ECPAS: variants seen among roughly 807,000 people sequenced by gnomAD.
ECPAS encodes Ecm29 proteasome adaptor and scaffold.
A neutral mutation model predicts 255.1 loss-of-function variants in ECPAS; 70 were observed. That is an observed-to-expected ratio of 0.27 (90% CI 0.23 to 0.33). The LOEUF (loss-of-function observed/expected upper bound fraction) is 0.33. Ranked by LOEUF, ECPAS falls within the 10% of genes least tolerant of loss-of-function variation. The pLI is 1.00. For missense variants in ECPAS, 1,817 were observed against 2,206.4 expected (o/e 0.82, Z 3.54); for synonymous variants, 784 against 775.0 (o/e 1.01, Z -0.19).
At chr9:111,421,770 T>C in intron 15 of ECPAS, 151 bp downstream of exon 15, 1 of 964,542 alleles carries the variant, frequency 1.0e-6, no homozygotes. Flanking sequence ...TAAAGTCAAA[T>C]TTTCATCATG....
chr9:111,441,721 C>G (rs975768346), intron 5 of ECPAS, among the ~76,000 whole-genome samples: 1 of 152,132 alleles, frequency 6.6e-6, no homozygotes, highest in African/African-American at 2.4e-5. Context: ...TAAACTTCTT[C>G]TGTATTACAG....
chr9:111,370,640 T>C lies in ECPAS; in HGVS notation c.4782-13A>G. On this transcript the variant is annotated splice_polypyrimidine_tract_variant and intron_variant, in intron 44 of 49. Coordinates refer to ENST00000684092, the MANE Select transcript of ECPAS (RefSeq NM_001364929.1). The stretch of plus-strand genomic sequence containing the variant: ...TTCCAGCTCTGCACTACAGGGTCCA[T>C]ACAAAAGCATCAGAAGTTAATAAAG... The C allele has an allele frequency of 2.5e-6, 4 of 1,608,930 alleles. No individual in the cohort carries two copies. Among genetic ancestry groups the C allele is most frequent in the South Asian group, 2.2e-5 (2 of 90,124 alleles).
At position 111,440,535 on chromosome 9, in the gene ECPAS, TACATTTATTGCAACTACTTAAAA is replaced by T; in HGVS notation, c.390-37_390-15del. 1 of 1,555,146 alleles carries T rather than the reference TACATTTATTGCAACTACTTAAAA, an allele frequency of 6.4e-7. No individual in the cohort carries two copies. On this transcript the variant is annotated splice_polypyrimidine_tract_variant and intron_variant, in intron 5 of 49. Transcript: ENST00000684092. ...AGATGCATTAAGCTGAAAAAACAAT[TACATTTATTGCAACTACTTAAAA>T]AATGAGATTTTTATACATGCAAAAC...
intron 2 of ECPAS, among the ~76,000 whole-genome samples, chr9:111,452,449 G>T (rs1238262938): frequency 6.6e-6 from 1 of 152,052 alleles, no homozygotes; most frequent in Admixed American, 6.6e-5. Flanking sequence ...ATATTTAAAG[G>T]AATCTTTTTT....
chr9:111,411,273 C>T (rs1263487889), intron 21 of ECPAS, 131 bp from the exon 22 acceptor site: 9 of 934,116 alleles, frequency 9.6e-6, no homozygotes, highest in Non-Finnish European at 1.3e-5. Flanking sequence ...AGTGAACACT[C>T]GAGGTTTCAC....
chr9:111,386,450 T>C lies in ECPAS; in HGVS notation c.3454A>G (p.Lys1152Glu). ...ALVTDKSMVD[K>E]YLKEILQDLV... The stretch of plus-strand genomic sequence containing the variant: ...TCTTGAAGAATTTCTTTCAAATATT[T>C]ATCCACCTAATGAAAGCAAAAGGAT... Residue 1152 changes from lysine to glutamate, a missense_variant, in exon 32 of 50, where the codon AAA becomes GAA. This residue lies in a region of ECPAS where 960 missense variants were observed against 1,179.0 expected (regional missense o/e 0.81). Transcript: ENST00000684092. 1 of 1,566,946 alleles carries C rather than the reference T, an allele frequency of 6.4e-7. No individual in the cohort carries two copies. Among genetic ancestry groups the C allele is most frequent in the South Asian group, 1.1e-5 (1 of 87,876 alleles).
At chr9:111,474,566 A>G (rs1210061834) in intron 1 of ECPAS, among the ~76,000 whole-genome samples, 1 of 152,130 alleles carries the variant, frequency 6.6e-6, no homozygotes, top group African/African-American at 2.4e-5. Context: ...CCCGTACAAA[A>G]CAGACCTACT....
chr9:111,422,029 A>G lies in ECPAS; in HGVS notation c.1347T>C (p.Thr449=). The change falls in exon 15 of 50, where the codon ACT becomes ACC. Residue 449 remains threonine, a synonymous_variant. Transcript: ENST00000684092. ...ATAAAGCTTCTTGAATAGCAAGTCG[A>G]GTCTCAGGCTCTTCCTATAAAGATG... ...FEALCKEEPE[T]RLAIQEALSM... 6.2e-7 allele frequency: 1 copy of G among 1,613,794 alleles called. No homozygotes were observed. Among genetic ancestry groups the G allele is most frequent in the South Asian group, 1.1e-5 (1 of 91,072 alleles).
At chr9:111,476,261 A>G (rs571826316) in intron 1 of ECPAS, among the ~76,000 whole-genome samples, 7 of 152,352 alleles carry the variant, frequency 4.6e-5, no homozygotes, top group African/African-American at 1.7e-4. Flanking sequence ...TGACCAGGTG[A>G]AAAGTCTCAA....
At chr9:111,370,335 C>T in intron 45 of ECPAS, 100 bp downstream of exon 45, 2 of 739,204 alleles carry the variant, frequency 2.7e-6, no homozygotes, top group Admixed American at 3.1e-5. Context: ...CTGCTACTTG[C>T]AGCTAAACTA....
chr9:111,451,326 C>G (rs766870626), intron 3 of ECPAS, 99 bp downstream of exon 3: 4 of 1,239,546 alleles, frequency 3.2e-6, no homozygotes, highest in Non-Finnish European at 4.5e-6. Flanking sequence ...TAATTAAGAT[C>G]ACAAACCTAG....
chr9:111,449,093 G>C (rs1431338479), intron 3 of ECPAS, among the ~76,000 whole-genome samples: 1 of 152,122 alleles, frequency 6.6e-6, no homozygotes, highest in Non-Finnish European at 1.5e-5. Flanking sequence ...TCTGTAAAAT[G>C]GGGATGCCTA....
intron 8 of ECPAS, 134 bp from the exon 9 acceptor site, chr9:111,430,762 T>C: frequency 3.0e-6 from 2 of 675,340 alleles, no homozygotes; most frequent in Admixed American, 2.9e-5. Context: ...GCAATTGACA[T>C]TGTAGAAGAG....
In ECPAS at chr9:111,427,895, C is replaced by G. The variant is rs1256703965; in HGVS notation, c.1050+147G>C. 3 of 595,856 alleles carry G rather than the reference C, an allele frequency of 5.0e-6. No individual in the cohort carries two copies. The African/African-American group carries it at 5.8e-5, about 11-fold the overall frequency. The allele number at this position is 595,856 out of a possible 1,614,324, so 36.9% of individuals were successfully genotyped here. A position where few individuals can be genotyped will look rare whatever the true frequency, so the allele number is the denominator to read the frequency against. The stretch of plus-strand genomic sequence containing the variant: ...TAATTTTTTTAAAATCATATTGCAG[C>G]AAATTTAAGATAGAAAAAAAGAATC... On this transcript the variant is annotated intron_variant, in intron 10 of 49. Transcript: ENST00000684092.
At chr9:111,451,647 G>A (rs1280399871) in intron 2 of ECPAS, 92 bp from the exon 3 acceptor site, 2 of 1,220,794 alleles carry the variant, frequency 1.6e-6, no homozygotes, top group Non-Finnish European at 2.2e-6. Context: ...TTTCTGTACT[G>A]CAATCCTTCA....
At chr9:111,377,851 A>G (rs1356239979) in intron 36 of ECPAS, among the ~76,000 whole-genome samples, 1 of 152,208 alleles carries the variant, frequency 6.6e-6, no homozygotes, top group African/African-American at 2.4e-5. Flanking sequence ...AGTTTTAAAA[A>G]ATGACTCTGA....
chr9:111,390,441 A>C (rs147921981), intron 29 of ECPAS, among the ~76,000 whole-genome samples: 5 of 152,316 alleles, frequency 3.3e-5, no homozygotes, highest in Admixed American at 6.5e-5. Context: ...GAGTCATTGG[A>C]AGACAACATC....
chr9:111,463,645 C>A (rs1222476082), intron 2 of ECPAS, among the ~76,000 whole-genome samples: 1 of 151,798 alleles, frequency 6.6e-6, no homozygotes, highest in Non-Finnish European at 1.5e-5. Flanking sequence ...AGCAAATAGA[C>A]AAATCAATAG....
At chr9:111,388,955 G>A (rs1347914968) in intron 31 of ECPAS, among the ~76,000 whole-genome samples, 1 of 152,224 alleles carries the variant, frequency 6.6e-6, no homozygotes, top group Non-Finnish European at 1.5e-5. Context: ...CAAGTAAACA[G>A]TTACATATGC....
Sources: gnomAD v4.1 joint callset for allele counts (sites outside exome capture counted in the v4.1 genomes callset) on GRCh38, gnomAD v4.1.1 for gene constraint, gnomAD v4.1.1 regional missense constraint, MANE v1.5 for transcripts, NCBI Gene and HGNC (gene_info 2026-07-23, HGNC 2026-07-21) for gene names.